CHIC2: variants seen among roughly 807,000 people sequenced by gnomAD.
CHIC2 encodes the protein cysteine rich hydrophobic domain 2.
A neutral mutation model predicts 25.9 loss-of-function variants in CHIC2; 14 were observed. That is an observed-to-expected ratio of 0.54 (90% CI 0.36 to 0.85). CHIC2 has a LOEUF of 0.85. Among genes scored for constraint, CHIC2 ranks in the 40% least tolerant of loss-of-function variants. CHIC2 has a pLI of 0.01. For synonymous variants in CHIC2, 70 were observed against 72.0 expected, an observed-to-expected ratio of 0.97 and a Z score of 0.14; for missense variants, 146 against 202.0, an observed-to-expected ratio of 0.72 and a Z score of 1.68.
At chr4:54,088,198 T>C in the CHIC2 span, among the ~76,000 whole-genome samples, 3 of 152,158 alleles carry the variant, frequency 2.0e-5, no homozygotes, top group South Asian at 2.1e-4. Flanking sequence ...CTCTTTTTTT[T>C]AATGATGCTT....
chr4:54,027,849 T>C (rs1577968641), intron 3 of CHIC2, among the ~76,000 whole-genome samples: 1 of 152,208 alleles, frequency 6.6e-6, no homozygotes, highest in East Asian at 1.9e-4. Flanking sequence ...TGTAAACTTA[T>C]TTGCTAGGGA....
the CHIC2 span, among the ~76,000 whole-genome samples, chr4:54,070,822 G>A: frequency 1.3e-5 from 2 of 152,138 alleles, no homozygotes; most frequent in African/African-American, 4.8e-5. Context: ...CACACATTCT[G>A]TAACAACACT....
intron 3 of CHIC2, among the ~76,000 whole-genome samples, chr4:54,025,532 C>T (rs560263430): frequency 6.6e-5 from 10 of 152,186 alleles, no homozygotes; most frequent in East Asian, 3.9e-4. Flanking sequence ...TCTCTTCGCA[C>T]GGATGCATGA....
intron 4 of CHIC2, 25 bp downstream of exon 4, chr4:54,014,038 C>T (rs1367838555): frequency 3.1e-6 from 5 of 1,611,536 alleles, no homozygotes; most frequent in Middle Eastern, 1.7e-4. Flanking sequence ...CCCAACAGTA[C>T]GAAGCTGCTC....
chr4:54,017,600 C>T (rs1216377904), intron 3 of CHIC2, among the ~76,000 whole-genome samples: 3 of 152,114 alleles, frequency 2.0e-5, no homozygotes, highest in East Asian at 1.9e-4. Context: ...TGTAATTCTC[C>T]GTCTTTCTGC....
At chr4:54,067,106 G>A (rs1326764382), upstream of CHIC2, among the ~76,000 whole-genome samples, 1 of 152,212 alleles carries the variant, frequency 6.6e-6, no homozygotes, top group Non-Finnish European at 1.5e-5. Flanking sequence ...CCAGAACACT[G>A]TGACTTAATT....
Position 54,062,329 on chromosome 4 carries a change from T to TTTTATTTATTTATTTA in CHIC2, c.119+1837_119+1852dup, listed in dbSNP as rs59288511. Among the ~76,000 whole-genome samples the TTTTATTTATTTATTTA allele has an allele frequency of 5.0e-3, 759 of 151,444 alleles. 6 individuals are homozygous for TTTTATTTATTTATTTA. Among genetic ancestry groups the TTTTATTTATTTATTTA allele is most frequent in the African/African-American group, 0.017 (711 of 41,012 alleles). ...CTACACATTAGAATCACCTGTGAGA[T>TTTTATTTATTTATTTA]TTTATTTATTTATTTATTTATTTAT... On this transcript the variant is annotated intron_variant, in intron 1 of 5. Transcript: ENST00000263921.
the CHIC2 span, among the ~76,000 whole-genome samples, chr4:54,083,018 C>CTTTTTTTTTTTTTTTTTTTTTTTTTTT: frequency 1.8e-4 from 12 of 67,906 alleles, no homozygotes; most frequent in Non-Finnish European, 2.6e-4. Context: ...TTCTTTCTTT[C>CTTTTTTTTTTTTTTTTTTTTTTTTTTT]TTTTTTTTTT....
At chr4:54,032,763 CT>C (rs921020922) in intron 3 of CHIC2, among the ~76,000 whole-genome samples, 5 of 152,160 alleles carry the variant, frequency 3.3e-5, no homozygotes, top group Admixed American at 1.3e-4. Flanking sequence ...AGTGGAAGTA[CT>C]ATTATTTTAT....
chr4:54,071,194 A>G, the CHIC2 span, among the ~76,000 whole-genome samples: 2 of 152,238 alleles, frequency 1.3e-5, no homozygotes, highest in Non-Finnish European at 2.9e-5. Context: ...AAATGTGTAT[A>G]TAGATTAAGC....
At chr4:54,024,129 C>T (rs1047618848) in intron 3 of CHIC2, among the ~76,000 whole-genome samples, 3 of 152,192 alleles carry the variant, frequency 2.0e-5, no homozygotes, top group Admixed American at 6.5e-5. Flanking sequence ...AAACTTCCAC[C>T]TATCAATGTC....
chr4:54,017,059 A>G (rs1420925320), intron 3 of CHIC2, among the ~76,000 whole-genome samples: 1 of 152,196 alleles, frequency 6.6e-6, no homozygotes, highest in Non-Finnish European at 1.5e-5. Context: ...AAGCTACTTA[A>G]AAGCTTTTAA....
chr4:54,035,936 C>A (rs927060684), intron 3 of CHIC2, among the ~76,000 whole-genome samples: 2 of 152,112 alleles, frequency 1.3e-5, no homozygotes, highest in African/African-American at 4.8e-5. Context: ...TTAAATTTCC[C>A]TTTTGATTTC....
chr4:54,030,563 C>A (rs1716196730), intron 3 of CHIC2, among the ~76,000 whole-genome samples: 1 of 146,132 alleles, frequency 6.8e-6, no homozygotes, highest in East Asian at 2.0e-4. Context: ...TATACACACA[C>A]ACACACACAC....
chr4:54,028,303 TTAA>T (rs1354733845), intron 3 of CHIC2, among the ~76,000 whole-genome samples: 2 of 152,150 alleles, frequency 1.3e-5, no homozygotes, highest in African/African-American at 4.8e-5. Flanking sequence ...AAGTCAAATT[TTAA>T]TAATAAAAAA....
intron 3 of CHIC2, among the ~76,000 whole-genome samples, chr4:54,046,259 C>A (rs1353454161): frequency 1.3e-5 from 2 of 152,184 alleles, no homozygotes; most frequent in East Asian, 1.9e-4. Flanking sequence ...CCATCCCCAT[C>A]AAGCTACCAA....
chr4:54,068,406 A>G (rs1333527311), upstream of CHIC2, among the ~76,000 whole-genome samples: 1 of 152,188 alleles, frequency 6.6e-6, no homozygotes, highest in Admixed American at 6.5e-5. Flanking sequence ...CAGCAAGAAG[A>G]CAACCATATA....
intron 4 of CHIC2, 71 bp from the exon 5 acceptor site, chr4:54,013,967 G>T: frequency 5.0e-6 from 8 of 1,592,714 alleles, no homozygotes; most frequent in Non-Finnish European, 5.2e-6. Flanking sequence ...TAACCCATTT[G>T]TCCACCTTTC....
Position 54,064,411 on chromosome 4 carries a change from C to G in CHIC2, c.-111G>C. 6.5e-7 allele frequency: 1 copy of G among 1,536,390 alleles called. No homozygotes were observed. Among genetic ancestry groups the G allele is most frequent in the Non-Finnish European group, 8.7e-7 (1 of 1,143,960 alleles). Reference sequence around the variant, plus strand: ...GGGGAGTCGCCGCTGCCGCCGGCTCCGAGGCCGCGGAGTTCGCTGTCGGCT... The same window carrying G: ...GGGGAGTCGCCGCTGCCGCCGGCTCGGAGGCCGCGGAGTTCGCTGTCGGCT... On this transcript the variant is annotated 5_prime_UTR_variant, in exon 1 of 6. Transcript: ENST00000263921. This position sits in a 1 kb window ranked among gnomAD's most constrained non-coding sequence, Gnocchi z 4.2.
Sources: gnomAD v4.1 joint callset for allele counts (sites outside exome capture counted in the v4.1 genomes callset) on GRCh38, gnomAD v4.1.1 for gene constraint, Gnocchi (gnomAD v3.1) non-coding constraint, MANE v1.5 for transcripts, NCBI Gene and HGNC (gene_info 2026-07-23, HGNC 2026-07-21) for gene names.